The following PHACTR4 variants were observed in gnomAD, a reference collection of about 807,000 sequenced individuals.
PHACTR4 encodes protein phosphatase 1, regulatory subunit 124.
A neutral mutation model predicts 72.7 loss-of-function variants in PHACTR4; 51 were observed. That is an observed-to-expected ratio of 0.70 (90% CI 0.56 to 0.89). The LOEUF (loss-of-function observed/expected upper bound fraction) is 0.89, where lower values mean the gene tolerates loss of function less well. Among genes scored for constraint, PHACTR4 ranks in the 40% least tolerant of loss-of-function variants. PHACTR4 has a pLI of 0.00. For missense variants in PHACTR4, 731 were observed against 861.8 expected (o/e 0.85, Z 1.90); for synonymous variants, 255 against 302.5 (o/e 0.84, Z 1.63).
intron 2 of PHACTR4, among the ~76,000 whole-genome samples, chr1:28,451,335 C>T (rs1657954260): frequency 6.6e-6 from 1 of 151,694 alleles, no homozygotes; most frequent in South Asian, 2.1e-4. Context: ...TTGAATCCTC[C>T]TGTCAAACAG....
intron 2 of PHACTR4, among the ~76,000 whole-genome samples, chr1:28,428,141 A>G (rs547509965): frequency 1.1e-4 from 17 of 152,364 alleles, no homozygotes; most frequent in Non-Finnish European, 2.1e-4. Flanking sequence ...CTGATGTCAC[A>G]TGGTGGTTTA....
At chr1:28,458,814 AG>A (rs1658593467) in intron 2 of PHACTR4, among the ~76,000 whole-genome samples, 2 of 152,198 alleles carry the variant, frequency 1.3e-5, no homozygotes, top group Non-Finnish European at 2.9e-5. Context: ...CGCCTTTAAA[AG>A]ATTTTGAGCC....
rs558315474 is a variant in PHACTR4 at position 28,450,618 on chromosome 1, GTTGT to G, written c.17-8452_17-8449del. Among the ~76,000 whole-genome samples the G allele has an allele frequency of 5.8e-3, 881 of 151,492 alleles. 6 individuals carry two copies. Among genetic ancestry groups the G allele is most frequent in the African/African-American group, 0.011 (461 of 41,362 alleles). On this transcript the variant is annotated intron_variant, in intron 2 of 13. Transcript: ENST00000373839. ...ATATTTTTTGTTTTTGTTTTTTTTG[GTTGT>G]TTGTTTGTTTGTTTTGAGGCAGGTT... is the stretch of plus-strand genomic sequence containing the variant.
intron 2 of PHACTR4, among the ~76,000 whole-genome samples, chr1:28,442,567 C>T (rs1405959172): frequency 2.6e-5 from 4 of 151,692 alleles, no homozygotes; most frequent in South Asian, 2.1e-4. Context: ...AGTGCAGTGG[C>T]GTGATTTCGA....
rs368432851 is a variant in PHACTR4, at chr1:28,466,524, C to T, written c.579C>T (p.Gly193=). 4.6e-5 allele frequency: 75 copies of T among 1,614,018 alleles called. No homozygotes were observed. Among genetic ancestry groups the T allele is most frequent in the East Asian group, 1.3e-4 (6 of 44,896 alleles). The change falls in exon 6 of 14, where the codon GGC becomes GGT. Residue 193 remains glycine (G), a synonymous_variant. Transcript: ENST00000373839. ...EGQAKDATSS[G]GTARFIISTS... ...AAGCAAAGGATGCCACTTCCTCTGG[C>T]GGCACGGCAAGGTTCATCATCTCCA...
At chr1:28,392,575 G>A (rs1653142077) in intron 1 of PHACTR4, among the ~76,000 whole-genome samples, 1 of 151,558 alleles carries the variant, frequency 6.6e-6, no homozygotes, top group South Asian at 2.1e-4. Context: ...GCTAATTTTT[G>A]TATTTTTTGT....
At chr1:28,373,307 T>TC (rs397741438) in intron 1 of PHACTR4, among the ~76,000 whole-genome samples, 2 of 152,006 alleles carry the variant, frequency 1.3e-5, no homozygotes, top group African/African-American at 4.8e-5. Context: ...TTTTTTTTTT[T>TC]GAGATGGAGT....
At chr1:28,487,908 G>C (rs570475174) in intron 9 of PHACTR4, among the ~76,000 whole-genome samples, 1 of 151,442 alleles carries the variant, frequency 6.6e-6, no homozygotes, top group East Asian at 2.0e-4. Flanking sequence ...GCTAATTTTT[G>C]TATTTTTCAG....
chr1:28,384,283 A>G lies in PHACTR4; in HGVS notation c.-39+14458A>G, dbSNP rs781466809. The stretch of plus-strand genomic sequence containing the variant: ...TCTGGTAGAATTCAGCTGTGAATCC[A>G]TCCGGTCCTGGGCTCTTTTTGGCTG... On this transcript the variant is annotated intron_variant, in intron 1 of 13. Coordinates refer to ENST00000373839, the MANE Select transcript of PHACTR4 (RefSeq NM_001048183.3). Among the ~76,000 whole-genome samples, 8 of 152,192 alleles carry G rather than the reference A, an allele frequency of 5.3e-5. No homozygotes were observed. In the East Asian group the frequency reaches 7.7e-4, roughly 15 times the overall value.
intron 2 of PHACTR4, among the ~76,000 whole-genome samples, chr1:28,411,055 G>A (rs1332386887): frequency 6.6e-6 from 1 of 150,492 alleles, no homozygotes; most frequent in Non-Finnish European, 1.5e-5. Flanking sequence ...TGTTTTTTGG[G>A]GGTTTTTTTG....
chr1:28,437,237 A>T (rs1029852293), intron 2 of PHACTR4, among the ~76,000 whole-genome samples: 1 of 151,966 alleles, frequency 6.6e-6, no homozygotes, highest in African/African-American at 2.4e-5. Flanking sequence ...ATTTTTATTT[A>T]TTTATTTTTG....
intron 2 of PHACTR4, among the ~76,000 whole-genome samples, chr1:28,426,651 G>A (rs1484587371): frequency 2.0e-5 from 3 of 151,260 alleles, no homozygotes; most frequent in African/African-American, 4.9e-5. Context: ...GCGACAGAGC[G>A]AGACTCCGTC....
At chr1:28,455,198 C>CTTTTTT (rs139479738) in intron 2 of PHACTR4, among the ~76,000 whole-genome samples, 6 of 85,972 alleles carry the variant, frequency 7.0e-5, no homozygotes, top group Non-Finnish European at 1.1e-4. Context: ...TTCTTTCTTT[C>CTTTTTT]TTTTTTTTTT....
At chr1:28,484,276 A>C (rs938783862) in intron 9 of PHACTR4, among the ~76,000 whole-genome samples, 10 of 152,180 alleles carry the variant, frequency 6.6e-5, no homozygotes, top group Admixed American at 6.6e-5. Flanking sequence ...AGCTGAGATC[A>C]CACCATGGCA....
At chr1:28,438,482 T>A in intron 2 of PHACTR4, 2 of 1,591,992 alleles carry the variant, frequency 1.3e-6, no homozygotes, top group Non-Finnish European at 1.7e-6. Flanking sequence ...GCAAGGCAGA[T>A]TTACAGGTGA....
chr1:28,469,240 CA>C (rs538199202), intron 6 of PHACTR4, among the ~76,000 whole-genome samples: 3 of 151,972 alleles, frequency 2.0e-5, no homozygotes, highest in East Asian at 3.9e-4. Context: ...ATGACAACCT[CA>C]AAAAAACACT....
At position 28,480,441 on chromosome 1, in the gene PHACTR4, G is replaced by C; in HGVS notation, c.1607-10G>C. On this transcript the variant is annotated splice_polypyrimidine_tract_variant and intron_variant, in intron 8 of 13. Coordinates refer to ENST00000373839, the MANE Select transcript of PHACTR4 (RefSeq NM_001048183.3). ...CAAGTTCTACATTTTTTTCTTCCCC[G>C]TGTGCAAAGGTGCTCTCGCCAACAA... 1 of 1,610,706 alleles carries C rather than the reference G, an allele frequency of 6.2e-7. No individual in the cohort carries two copies. Among genetic ancestry groups the C allele is most frequent in the Non-Finnish European group, 8.5e-7 (1 of 1,178,600 alleles).
chr1:28,496,544 C>T lies in PHACTR4; in HGVS notation c.2104C>T (p.Pro702Ser). 4 of 1,613,912 alleles carry T rather than the reference C, an allele frequency of 2.5e-6. No homozygotes were observed. Among genetic ancestry groups the T allele is most frequent in the Non-Finnish European group, 2.5e-6 (3 of 1,179,968 alleles). The change falls in exon 14 of 14, where the codon CCA becomes TCA. Residue 702 changes from proline (P) to serine (S), a missense_variant. By Grantham distance (74) the Pro-to-Ser change is moderately conservative. Transcript: ENST00000373839. ...ESKHFTRYHR[P>S] Reference sequence around the variant, plus strand: ...TTTAATCTCTTTTAGCTACCATCGTCCATGATGCCAAAGGTTGAGAGAGGA... The same window carrying T: ...TTTAATCTCTTTTAGCTACCATCGTTCATGATGCCAAAGGTTGAGAGAGGA...
At chr1:28,412,439 A>G (rs1654847722) in intron 2 of PHACTR4, among the ~76,000 whole-genome samples, 1 of 152,246 alleles carries the variant, frequency 6.6e-6, no homozygotes, top group Non-Finnish European at 1.5e-5. Context: ...CATAAACAGT[A>G]ATAAAAATAT....
Sources: gnomAD v4.1 joint callset for allele counts (sites outside exome capture counted in the v4.1 genomes callset) on GRCh38, gnomAD v4.1.1 for gene constraint, MANE v1.5 for transcripts, NCBI Gene and HGNC (gene_info 2026-07-23, HGNC 2026-07-21) for gene names.